The following DCLK1 variants were observed in gnomAD, a reference collection of about 807,000 sequenced individuals.
DCLK1 encodes serine/threonine-protein kinase DCLK1.
In DCLK1, 16 loss-of-function variants were observed where a neutral mutation model predicts 86.2. The observed-to-expected ratio is 0.19, with a 90% CI of 0.13 to 0.28. The LOEUF (loss-of-function observed/expected upper bound fraction) is 0.28, where lower values mean the gene tolerates loss of function less well. Ranked by LOEUF, DCLK1 falls within the 10% of genes least tolerant of loss-of-function variation. The pLI is 1.00. For missense variants in DCLK1, 590 were observed against 940.2 expected (o/e 0.63, Z 4.87); for synonymous variants, 369 against 370.5 (o/e 1.00, Z 0.05).
At position 35,854,530 on chromosome 13, in the gene DCLK1, G is replaced by C. The variant is rs141887894; in HGVS notation, c.1004C>G (p.Pro335Arg). Residue 335 changes from proline (P) to arginine (R), a missense_variant, in exon 6 of 17, where the codon CCC (proline) becomes CGC (arginine). By Grantham distance (103) the Pro-to-Arg change is moderately radical. This residue lies in a region of DCLK1 where 63 missense variants were observed against 64.3 expected (regional missense o/e 0.98). Transcript: ENST00000360631. ...CTTCCGCAGGCTTCCTGGGCTGGTG[G>C]GTGATGGGCTTGGCGACTTGCCTGA... ...PRSGKSPSPSPTSPGSLRKQR... is the reference protein window; with the variant it reads ...PRSGKSPSPSRTSPGSLRKQR... 568 of 1,604,448 alleles carry C rather than the reference G, an allele frequency of 3.5e-4. 2 individuals are homozygous for C. The highest frequency in any genetic ancestry group is 5.9e-5 in the Non-Finnish European group (69 of 1,174,946).
At chr13:35,856,305 T>C (rs928621864) in intron 5 of DCLK1, among the ~76,000 whole-genome samples, 5 of 152,168 alleles carry the variant, frequency 3.3e-5, no homozygotes, top group Admixed American at 6.5e-5. Flanking sequence ...CCTCAGCCAG[T>C]AGCCTCTAAG....
At chr13:36,005,760 C>T (rs1306261320) in intron 3 of DCLK1, among the ~76,000 whole-genome samples, 1 of 152,104 alleles carries the variant, frequency 6.6e-6, no homozygotes, top group East Asian at 1.9e-4. Flanking sequence ...GACTAGAAAC[C>T]AACCGAAATG....
intron 2 of DCLK1, among the ~76,000 whole-genome samples, chr13:36,119,540 G>A (rs1218297891): frequency 6.6e-6 from 1 of 152,148 alleles, no homozygotes; most frequent in East Asian, 1.9e-4. Flanking sequence ...GACAGACACT[G>A]CCTTCACCAA....
chr13:36,076,411 C>A (rs1884215515), intron 3 of DCLK1, among the ~76,000 whole-genome samples: 1 of 152,172 alleles, frequency 6.6e-6, no homozygotes, highest in Non-Finnish European at 1.5e-5. Context: ...CTGCTGACCA[C>A]TCAGTTCTCA....
At chr13:35,793,861 T>C (rs945797742) in intron 15 of DCLK1, among the ~76,000 whole-genome samples, 12 of 152,304 alleles carry the variant, frequency 7.9e-5, no homozygotes, top group African/African-American at 2.2e-4. Context: ...AATTTTTTTT[T>C]CCTCTTAACC....
At chr13:35,958,958 T>C (rs1878298790) in intron 3 of DCLK1, among the ~76,000 whole-genome samples, 1 of 152,172 alleles carries the variant, frequency 6.6e-6, no homozygotes, top group Admixed American at 6.5e-5. Flanking sequence ...TATTAAGATC[T>C]AAACACAGCT....
chr13:36,001,457 C>T (rs1029960471), intron 3 of DCLK1, among the ~76,000 whole-genome samples: 2 of 152,170 alleles, frequency 1.3e-5, no homozygotes, highest in Non-Finnish European at 2.9e-5. Flanking sequence ...TCCTGGACCT[C>T]AGTCTCCTCC....
intron 3 of DCLK1, among the ~76,000 whole-genome samples, chr13:36,018,982 C>T (rs975820779): frequency 6.6e-6 from 1 of 152,002 alleles, no homozygotes; most frequent in Non-Finnish European, 1.5e-5. Flanking sequence ...TATTATAGAC[C>T]CAATTGCTTG....
At chr13:35,822,529 A>G (rs1478694762) in intron 11 of DCLK1, among the ~76,000 whole-genome samples, 200 bp downstream of exon 11, 1 of 152,182 alleles carries the variant, frequency 6.6e-6, no homozygotes, top group African/African-American at 2.4e-5. Context: ...TTGTTTGCTA[A>G]TAAATCAGGT....
At chr13:36,025,447 A>C (rs1271358358) in intron 3 of DCLK1, among the ~76,000 whole-genome samples, 1 of 152,232 alleles carries the variant, frequency 6.6e-6, no homozygotes, top group Non-Finnish European at 1.5e-5. Flanking sequence ...GGTTAGCATA[A>C]TTCCTAATAG....
At position 35,824,540 on chromosome 13, in the gene DCLK1, G is replaced by T. The variant is rs560533733; in HGVS notation, c.1408-1665C>A. ...GTCTTATCGGTCCTTTCTTGGACAC[G>T]TTTTTCCTTCGCAGCCATCTGGGCC... On this transcript the variant is annotated intron_variant, in intron 10 of 16. Transcript: ENST00000360631. Among the ~76,000 whole-genome samples, 73 of 152,152 alleles carry T rather than the reference G, an allele frequency of 4.8e-4. 2 individuals carry two copies. The highest frequency in any genetic ancestry group is 1.2e-3 in the South Asian group (6 of 4,814).
intron 4 of DCLK1, among the ~76,000 whole-genome samples, chr13:35,917,460 G>A (rs1019842099): frequency 4.6e-5 from 7 of 152,008 alleles, no homozygotes; most frequent in Admixed American, 6.6e-5. Flanking sequence ...TGGCACACCC[G>A]GCTCTCCAAA....
intron 3 of DCLK1, among the ~76,000 whole-genome samples, chr13:36,052,330 T>G (rs1442958003): frequency 6.6e-6 from 1 of 152,116 alleles, no homozygotes; most frequent in Non-Finnish European, 1.5e-5. Context: ...ACAAGATCAT[T>G]ACCCTACAGA....
intron 5 of DCLK1, among the ~76,000 whole-genome samples, chr13:35,867,213 T>C (rs1048793601): frequency 6.6e-6 from 1 of 152,212 alleles, no homozygotes; most frequent in East Asian, 1.9e-4. Context: ...AGTAATCTCT[T>C]ATATAATCAG....
intron 3 of DCLK1, among the ~76,000 whole-genome samples, chr13:36,094,532 G>A (rs1342257650): frequency 1.3e-5 from 2 of 152,194 alleles, no homozygotes; most frequent in Non-Finnish European, 2.9e-5. Context: ...TGCCAGTCAT[G>A]GGTAGTTGCT....
chr13:35,988,654 T>G (rs372881268), intron 3 of DCLK1, among the ~76,000 whole-genome samples: 13 of 152,342 alleles, frequency 8.5e-5, no homozygotes, highest in Admixed American at 7.2e-4. Flanking sequence ...CTGTGCTTCT[T>G]AAATCTATTT....
At chr13:35,955,051 G>C (rs982644856) in intron 3 of DCLK1, among the ~76,000 whole-genome samples, 2 of 152,074 alleles carry the variant, frequency 1.3e-5, no homozygotes, top group Non-Finnish European at 2.9e-5. Flanking sequence ...AGTTGACATG[G>C]ACATCAGCTA....
intron 3 of DCLK1, among the ~76,000 whole-genome samples, chr13:36,104,032 G>A (rs566618948): frequency 7.0e-4 from 106 of 152,300 alleles, no homozygotes; most frequent in African/African-American, 2.4e-3. Context: ...TGGCAGATGC[G>A]TTCTTTTTAT....
intron 3 of DCLK1, among the ~76,000 whole-genome samples, chr13:36,030,742 T>C (rs997277500): frequency 1.3e-5 from 2 of 152,048 alleles, no homozygotes; most frequent in African/African-American, 2.4e-5. Context: ...CAGAGAAAAG[T>C]TATCGATATA....
Sources: allele counts gnomAD v4.1 joint callset (sites outside exome capture counted in the v4.1 genomes callset), GRCh38; gene constraint gnomAD v4.1.1; regional missense constraint gnomAD v4.1.1; transcripts MANE v1.5; gene names NCBI Gene and HGNC (gene_info 2026-07-23, HGNC 2026-07-21).